The following SLC1A4 variants were observed in gnomAD, a reference collection of about 807,000 sequenced individuals.
SLC1A4 encodes solute carrier family 1 member 4, also known as neutral amino acid transporter A.
A neutral mutation model predicts 37.7 loss-of-function variants in SLC1A4; 19 were observed. The ratio of observed to expected loss-of-function variants is 0.50; its 90% CI spans 0.35 to 0.74. SLC1A4 has a LOEUF of 0.74. Ranked by LOEUF, SLC1A4 falls within the 30% of genes least tolerant of loss-of-function variation. The probability of loss-of-function intolerance (pLI) is 0.01; values close to 1 mark genes in which losing one functional copy is unlikely to be tolerated. For synonymous variants in SLC1A4, 299 were observed against 309.8 expected, an observed-to-expected ratio of 0.97 and a Z score of 0.37; for missense variants, 570 against 712.9, an observed-to-expected ratio of 0.80 and a Z score of 2.28.
At chr2:65,016,368 C>T (rs1033889006) in intron 4 of SLC1A4, 72 bp from the exon 5 acceptor site, 1 of 1,201,136 alleles carries the variant, frequency 8.3e-7, no homozygotes, top group East Asian at 2.3e-5. Context: ...CTGCATTCTG[C>T]CTCAGGAAGG....
chr2:65,003,158 A>G (rs1300358288), intron 2 of SLC1A4, among the ~76,000 whole-genome samples: 1 of 152,174 alleles, frequency 6.6e-6, no homozygotes, highest in African/African-American at 2.4e-5. Flanking sequence ...GATAAAGCTG[A>G]GAGAAACCAG....
intron 1 of SLC1A4, among the ~76,000 whole-genome samples, chr2:64,994,517 G>T (rs1673177555): frequency 6.6e-6 from 1 of 152,222 alleles, no homozygotes; most frequent in South Asian, 2.1e-4. Context: ...TTAGGATTTT[G>T]TCTGTTGCCC....
intron 1 of SLC1A4, among the ~76,000 whole-genome samples, chr2:64,998,557 C>G (rs1419658707): frequency 1.3e-5 from 2 of 152,094 alleles, no homozygotes; most frequent in Non-Finnish European, 2.9e-5. Flanking sequence ...TGCTCTTTTG[C>G]TTCTGGACCC....
chr2:64,989,829 G>T lies in SLC1A4; in HGVS notation c.186G>T (p.Leu62Phe). ...CGGGCGCGGGCCTGGGCGCGGCGTT[G>T]CGCGGGCTCAGCCTGAGCCGCACGC... ...VLAGAGLGAA[L>F]RGLSLSRTQV... The change falls in exon 1 of 8, where the codon TTG becomes TTT. Residue 62 changes from leucine (L) to phenylalanine (F), a missense_variant. By Grantham distance (22) the Leu-to-Phe change is conservative (BLOSUM62 0). Coordinates refer to ENST00000234256, the MANE Select transcript of SLC1A4 (RefSeq NM_003038.5). 6.5e-7 allele frequency: 1 copy of T among 1,534,796 alleles called. No individual in the cohort carries two copies. The highest frequency in any genetic ancestry group is 8.7e-7 in the Non-Finnish European group (1 of 1,144,434).
At chr2:65,017,825 C>T (rs966817441) in intron 5 of SLC1A4, among the ~76,000 whole-genome samples, 3 of 152,288 alleles carry the variant, frequency 2.0e-5, no homozygotes, top group East Asian at 1.9e-4. Flanking sequence ...ACTTGGAACA[C>T]GTGAATCCAA....
intron 1 of SLC1A4, among the ~76,000 whole-genome samples, chr2:64,991,052 T>C (rs1273247969): frequency 2.0e-5 from 3 of 152,228 alleles, no homozygotes; most frequent in East Asian, 1.9e-4. Flanking sequence ...CCAGGTTCAG[T>C]TGAGTGAGGA....
Position 65,018,179 on chromosome 2 carries a change from A to C in SLC1A4, c.1143A>C (p.Gly381=). 1 of 1,614,092 alleles carries C rather than the reference A, an allele frequency of 6.2e-7. No individual in the cohort carries two copies. The highest frequency in any genetic ancestry group is 8.5e-7 in the Non-Finnish European group (1 of 1,180,010). The change falls in exon 6 of 8, where the codon GGA becomes GGC. Residue 381 remains glycine (G), a synonymous_variant. Transcript: ENST00000234256. This position sits in a 1 kb window ranked among gnomAD's most constrained non-coding sequence, Gnocchi z 4.3. ...LPIGATVNMD[G]AAIFQCVAAV... is the part of the protein sequence containing the mutation. ...TCGGGGCCACCGTGAACATGGACGGAGCAGCCATCTTCCAGTGTGTGGCCG... is the reference window on the plus strand; with the variant it reads ...TCGGGGCCACCGTGAACATGGACGGCGCAGCCATCTTCCAGTGTGTGGCCG...
At chr2:65,013,120 CAG>C (rs887531327) in intron 4 of SLC1A4, among the ~76,000 whole-genome samples, 22 of 152,122 alleles carry the variant, frequency 1.4e-4, no homozygotes, top group African/African-American at 4.8e-4. Context: ...GGAAGAAAGA[CAG>C]GGGGAAGGTG....
rs908423744 is a variant in SLC1A4, at chr2:65,022,410, T to C, written c.*1264T>C. On this transcript the variant is annotated 3_prime_UTR_variant, in exon 8 of 8. Coordinates refer to ENST00000234256, the MANE Select transcript of SLC1A4 (RefSeq NM_003038.5). The stretch of plus-strand genomic sequence containing the variant: ...ATGTAACAGGTCCTGGGGCCTCACT[T>C]TACCCCATTTGTAAAATGGGGCTAA... The C allele has an allele frequency of 1.3e-5, 2 of 152,232 alleles. No homozygotes were observed. Among genetic ancestry groups the C allele is most frequent in the African/African-American group, 4.8e-5 (2 of 41,458 alleles). The allele number at this position is 152,232 out of a possible 1,614,324, so 9.4% of individuals were successfully genotyped here. A position where few individuals can be genotyped will look rare whatever the true frequency, so the allele number is the denominator to read the frequency against.
chr2:65,021,552 T>C lies in SLC1A4; in HGVS notation c.*406T>C, dbSNP rs759419331. ...TTTCTGAGCAAACCAAGGGGGTTTA[T>C]AGTCATCTGTCGCATTGCCTCGAGT... On this transcript the variant is annotated 3_prime_UTR_variant, in exon 8 of 8. Coordinates refer to ENST00000234256, the MANE Select transcript of SLC1A4 (RefSeq NM_003038.5). The C allele has an allele frequency of 5.7e-6, 1 of 176,836 alleles. No homozygotes were observed. Among genetic ancestry groups the C allele is most frequent in the Non-Finnish European group, 1.2e-5 (1 of 83,770 alleles). The allele number at this position is 176,836 out of a possible 1,614,324, so 11.0% of individuals were successfully genotyped here. A position where few individuals can be genotyped will look rare whatever the true frequency, so the allele number is the denominator to read the frequency against.
At chr2:64,992,580 C>T (rs1277547034) in intron 1 of SLC1A4, among the ~76,000 whole-genome samples, 1 of 152,138 alleles carries the variant, frequency 6.6e-6, no homozygotes, top group Non-Finnish European at 1.5e-5. Context: ...ACTGACAAAA[C>T]TGAGACAGAG....
intron 2 of SLC1A4, among the ~76,000 whole-genome samples, chr2:65,002,577 T>TTTTTTTTTTTTTTTTTC (rs1673514158): frequency 1.7e-5 from 2 of 117,468 alleles, no homozygotes; most frequent in Admixed American, 1.9e-4. Flanking sequence ...ATTCTTTTTT[T>TTTTTTTTTTTTTTTTTC]TTTTTTTTTT....
intron 2 of SLC1A4, among the ~76,000 whole-genome samples, chr2:65,002,567 A>ATTTTTTT (rs1324825931): frequency 8.7e-6 from 1 of 115,520 alleles, no homozygotes; most frequent in East Asian, 3.0e-4. Context: ...TCCTGTGACC[A>ATTTTTTT]TTCTTTTTTT....
chr2:65,018,379 G>A lies in SLC1A4; in HGVS notation c.1229+114G>A. 7.3e-7 allele frequency: 1 copy of A among 1,374,830 alleles called. No homozygotes were observed. The allele number at this position is 1,374,830 out of a possible 1,614,324, so 85.2% of individuals were successfully genotyped here. The stretch of plus-strand genomic sequence containing the variant: ...TCGCTCATAAAATGAGGACAGTGGG[G>A]ATTCATTACTTGAAGAGCGTGTGTT... On this transcript the variant is annotated intron_variant, in intron 6 of 7. Transcript: ENST00000234256. The surrounding 1 kb of genome is among the most constrained non-coding windows in gnomAD (Gnocchi z 4.3).
At chr2:64,991,332 C>CAAA (rs540933887) in intron 1 of SLC1A4, among the ~76,000 whole-genome samples, 3 of 136,586 alleles carry the variant, frequency 2.2e-5, no homozygotes, top group African/African-American at 8.1e-5. Flanking sequence ...CAAACAACAA[C>CAAA]AAAAAAAAAC....
intron 4 of SLC1A4, among the ~76,000 whole-genome samples, chr2:65,011,933 T>G (rs1673936938): frequency 6.6e-6 from 1 of 150,608 alleles, no homozygotes; most frequent in South Asian, 2.1e-4. Context: ...CATGCCCGGC[T>G]AATTTTTGTA....
chr2:65,017,831 T>A (rs1674218607), intron 5 of SLC1A4, among the ~76,000 whole-genome samples: 5 of 152,212 alleles, frequency 3.3e-5, no homozygotes, highest in Admixed American at 3.3e-4. Flanking sequence ...AACACGTGAA[T>A]CCAAGTAAAT....
intron 4 of SLC1A4, among the ~76,000 whole-genome samples, chr2:65,015,643 A>G (rs958429799): frequency 6.6e-5 from 10 of 152,224 alleles, no homozygotes; most frequent in Non-Finnish European, 1.5e-4. Context: ...GAAACCAGTG[A>G]CATTGTCTCC....
intron 4 of SLC1A4, 124 bp downstream of exon 4, chr2:65,010,887 C>A (rs996903475): frequency 2.1e-6 from 2 of 935,212 alleles, no homozygotes; most frequent in Non-Finnish European, 3.2e-6. Context: ...GTGGTTGATG[C>A]ACCATGAGCC....
Sources: allele counts gnomAD v4.1 joint callset (sites outside exome capture counted in the v4.1 genomes callset), GRCh38; gene constraint gnomAD v4.1.1; non-coding constraint Gnocchi (gnomAD v3.1); transcripts MANE v1.5; gene names NCBI Gene and HGNC (gene_info 2026-07-23, HGNC 2026-07-21).